The following HIBADH variants were observed in gnomAD, a reference collection of about 807,000 sequenced individuals.
The protein encoded by HIBADH is 3-hydroxyisobutyrate dehydrogenase, also known as 3-hydroxyisobutyrate dehydrogenase, mitochondrial.
HIBADH carries 25 observed loss-of-function variants against 36.1 expected under a neutral mutation model. The observed-to-expected ratio is 0.69, with a 90% confidence interval of 0.50 to 0.97. The LOEUF (loss-of-function observed/expected upper bound fraction) is 0.97, where lower values mean the gene tolerates loss of function less well. Ranked by LOEUF, HIBADH falls within the 50% of genes least tolerant of loss-of-function variation. HIBADH has a pLI of 0.00. For synonymous variants in HIBADH, 160 were observed against 149.5 expected, an observed-to-expected ratio of 1.07 and a Z score of -0.51; for missense variants, 421 against 418.0, an observed-to-expected ratio of 1.01 and a Z score of -0.06.
chr7:27,547,738 G>A (rs2128185032), intron 4 of HIBADH, among the ~76,000 whole-genome samples: 1 of 152,114 alleles, frequency 6.6e-6, no homozygotes, highest in Middle Eastern at 3.4e-3. Flanking sequence ...TTCCTTTTAA[G>A]CTTTTGAAAT....
chr7:27,618,344 T>C (rs1785470698), intron 4 of HIBADH, among the ~76,000 whole-genome samples: 1 of 152,190 alleles, frequency 6.6e-6, no homozygotes, highest in Non-Finnish European at 1.5e-5. Context: ...GCAGCATTGC[T>C]GCTATAGACG....
At chr7:27,537,826 A>G (rs1784089193) in intron 6 of HIBADH, among the ~76,000 whole-genome samples, 1 of 152,180 alleles carries the variant, frequency 6.6e-6, no homozygotes, top group South Asian at 2.1e-4. Flanking sequence ...ATGCATATGA[A>G]TTGCATCTTT....
intron 2 of HIBADH, among the ~76,000 whole-genome samples, chr7:27,639,363 C>G (rs144949614): frequency 6.6e-6 from 1 of 152,184 alleles, no homozygotes; most frequent in East Asian, 1.9e-4. Flanking sequence ...CACACATTCT[C>G]ACTTATAAGT....
chr7:27,596,440 C>T (rs1450696897), intron 4 of HIBADH, among the ~76,000 whole-genome samples: 1 of 152,190 alleles, frequency 6.6e-6, no homozygotes, highest in Admixed American at 6.5e-5. Flanking sequence ...CATTCTCCTA[C>T]ATTGTTGGTG....
chr7:27,626,252 C>T (rs1046877930), intron 4 of HIBADH, among the ~76,000 whole-genome samples: 1 of 151,582 alleles, frequency 6.6e-6, no homozygotes. Flanking sequence ...TATTATATAC[C>T]CACAAAAATT....
rs943597664 is a variant in HIBADH at position 27,543,029 on chromosome 7, G to A, written c.556C>T (p.Gln186Ter). The change falls in exon 5 of 8, where the codon CAA becomes TAA. Residue 186 changes from glutamine to a stop codon, truncating the protein, a stop_gained. Transcript: ENST00000265395. LOFTEE classifies it high-confidence loss of function. ...GAGCCCATGCACCCCAGCAACTCTTGGGCAGCAGCAAATTCATCTTCAACT... is the reference window on the plus strand; with the variant it reads ...GAGCCCATGCACCCCAGCAACTCTTAGGCAGCAGCAAATTCATCTTCAACT... ...GGVEDEFAAA[Q>*]ELLGCMGSNV... The A allele has an allele frequency of 6.2e-7, 1 of 1,613,588 alleles. No homozygotes were observed. The highest frequency in any genetic ancestry group is 8.5e-7 in the Non-Finnish European group (1 of 1,179,874).
At chr7:27,594,488 C>T (rs1784998147) in intron 4 of HIBADH, among the ~76,000 whole-genome samples, 5 of 152,262 alleles carry the variant, frequency 3.3e-5, no homozygotes, top group Middle Eastern at 3.4e-3. Flanking sequence ...AAAAAGAAAT[C>T]AATGAGTATA....
At chr7:27,651,571 T>A (rs1786196499) in intron 1 of HIBADH, among the ~76,000 whole-genome samples, 1 of 152,208 alleles carries the variant, frequency 6.6e-6, no homozygotes, top group Non-Finnish European at 1.5e-5. Flanking sequence ...GTTGAAAAGG[T>A]GTAATTTAGC....
At chr7:27,528,567 G>C (rs972133282) in intron 7 of HIBADH, among the ~76,000 whole-genome samples, 1 of 152,202 alleles carries the variant, frequency 6.6e-6, no homozygotes, top group Non-Finnish European at 1.5e-5. Context: ...GCTTAACCCA[G>C]AACAAGGCCC....
chr7:27,536,422 AG>A (rs1379720959), intron 6 of HIBADH, among the ~76,000 whole-genome samples: 1 of 152,162 alleles, frequency 6.6e-6, no homozygotes, highest in African/African-American at 2.4e-5. Flanking sequence ...GTATATATGT[AG>A]AGTTTTAGAA....
chr7:27,569,594 T>C (rs1784600090), intron 4 of HIBADH, among the ~76,000 whole-genome samples: 1 of 152,006 alleles, frequency 6.6e-6, no homozygotes, highest in Admixed American at 6.6e-5. Context: ...AGTTCATACA[T>C]AACATCATGC....
At chr7:27,639,945 T>C (rs1785931835) in intron 2 of HIBADH, among the ~76,000 whole-genome samples, 1 of 152,160 alleles carries the variant, frequency 6.6e-6, no homozygotes, top group Non-Finnish European at 1.5e-5. Flanking sequence ...AGATACGTTC[T>C]GAGAAATGCG....
chr7:27,590,365 C>A (rs568328181), intron 4 of HIBADH, among the ~76,000 whole-genome samples: 2 of 152,280 alleles, frequency 1.3e-5, no homozygotes, highest in South Asian at 4.2e-4. Flanking sequence ...ATACCTAATG[C>A]ACTTCTATAC....
chr7:27,551,480 GC>G (rs1336720611), intron 4 of HIBADH, among the ~76,000 whole-genome samples: 1 of 152,132 alleles, frequency 6.6e-6, no homozygotes, highest in East Asian at 1.9e-4. Flanking sequence ...AATTCATTCA[GC>G]TTAAACATGT....
At chr7:27,552,147 T>C (rs947500403) in intron 4 of HIBADH, among the ~76,000 whole-genome samples, 6 of 152,240 alleles carry the variant, frequency 3.9e-5, no homozygotes, top group South Asian at 2.1e-4. Flanking sequence ...CTAGAAAAGA[T>C]TGCCGTGCAC....
chr7:27,541,221 T>C (rs980517226), intron 5 of HIBADH, among the ~76,000 whole-genome samples: 2 of 152,102 alleles, frequency 1.3e-5, no homozygotes, highest in African/African-American at 4.8e-5. Context: ...AATGATTTTT[T>C]CTTAATGGCG....
At chr7:27,635,548 T>C (rs1785823929) in intron 2 of HIBADH, among the ~76,000 whole-genome samples, 2 of 152,224 alleles carry the variant, frequency 1.3e-5, no homozygotes, top group South Asian at 2.1e-4. Flanking sequence ...TCAGGGTTCC[T>C]ATCTCCAAAG....
At chr7:27,577,010 A>G (rs1784720068) in intron 4 of HIBADH, among the ~76,000 whole-genome samples, 1 of 152,216 alleles carries the variant, frequency 6.6e-6, no homozygotes, top group Non-Finnish European at 1.5e-5. Flanking sequence ...ATACCAAATT[A>G]CTAAGGTTTA....
chr7:27,549,563 T>C (rs1009001682), intron 4 of HIBADH, among the ~76,000 whole-genome samples: 2 of 152,152 alleles, frequency 1.3e-5, no homozygotes, highest in Non-Finnish European at 2.9e-5. Context: ...TCAGTTAACA[T>C]ATTTTTTAAA....
Sources: gnomAD v4.1 joint callset for allele counts (sites outside exome capture counted in the v4.1 genomes callset) on GRCh38, gnomAD v4.1.1 for gene constraint, MANE v1.5 for transcripts, NCBI Gene and HGNC (gene_info 2026-07-23, HGNC 2026-07-21) for gene names.